The following SLC25A48 variants were observed in gnomAD, a reference collection of about 807,000 sequenced individuals.
The protein encoded by SLC25A48 is CTC-321K16.1.
A neutral mutation model predicts 32.2 loss-of-function variants in SLC25A48; 29 were observed. The observed-to-expected ratio is 0.90, with a 90% confidence interval of 0.67 to 1.23. The LOEUF (loss-of-function observed/expected upper bound fraction) is 1.23, where lower values mean the gene tolerates loss of function less well. Among genes scored for constraint, SLC25A48 ranks in the 50% most tolerant of loss-of-function variants. The probability of loss-of-function intolerance (pLI) is 0.00; values close to 1 mark genes in which losing one functional copy is unlikely to be tolerated. For synonymous variants in SLC25A48, 164 were observed against 172.3 expected, an observed-to-expected ratio of 0.95 and a Z score of 0.38; for missense variants, 399 against 422.7, an observed-to-expected ratio of 0.94 and a Z score of 0.49.
chr5:135,883,550 G>A, intron 7 of SLC25A48: 1 of 893,150 alleles, frequency 1.1e-6, no homozygotes, highest in Non-Finnish European at 1.3e-6. Context: ...GGGTGTTGCA[G>A]GCCCAGAGGG....
chr5:135,683,105 T>C (rs561983282), intron 3 of SLC25A48, among the ~76,000 whole-genome samples: 3 of 152,276 alleles, frequency 2.0e-5, no homozygotes, highest in African/African-American at 7.2e-5. Context: ...CTGCTTCCAT[T>C]TGTGGCGTCA....
At chr5:135,607,983 T>C (rs530914960) in intron 1 of SLC25A48, among the ~76,000 whole-genome samples, 1 of 152,352 alleles carries the variant, frequency 6.6e-6, no homozygotes, top group Non-Finnish European at 1.5e-5. Flanking sequence ...TATACTTGTT[T>C]TCATAGTTCT....
At position 135,691,560 on chromosome 5, in the gene SLC25A48, C is replaced by T. The variant is rs529192688; in HGVS notation, c.-521+56604C>T. Among the ~76,000 whole-genome samples, 6 of 152,284 alleles carry T rather than the reference C, an allele frequency of 3.9e-5. No homozygotes were observed. In the South Asian group the frequency reaches 1.2e-3, roughly 32 times the overall value. On this transcript the variant is annotated intron_variant, in intron 3 of 10. Transcript: ENST00000646290. ...GTCTGAGACACCATCCCCACTTGCC[C>T]AGGACTGAGGGGTATCCTGGATGAA...
At chr5:135,812,173 G>C (rs10050995) in intron 3 of SLC25A48, among the ~76,000 whole-genome samples, 53,671 of 151,918 alleles carry the variant, frequency 0.35, 9,632 homozygotes, top group East Asian at 0.44. Flanking sequence ...TATTTTTTAA[G>C]CTTCTATGGG....
chr5:135,658,550 C>T lies in SLC25A48; in HGVS notation c.-521+23594C>T, dbSNP rs148998454. Among the ~76,000 whole-genome samples the T allele has an allele frequency of 1.2e-4, 19 of 152,264 alleles. No individual in the cohort carries two copies. The East Asian group carries it at 3.5e-3, about 28-fold the overall frequency. On this transcript the variant is annotated intron_variant, in intron 3 of 10. Transcript: ENST00000646290. Reference sequence around the variant, plus strand: ...TTCTGGGGTCTGGAGGATTATGGCCCTCTTCTCACAGCTCCACTATGCAGT... The same window carrying T: ...TTCTGGGGTCTGGAGGATTATGGCCTTCTTCTCACAGCTCCACTATGCAGT...
chr5:135,715,102 C>A (rs1754761212), intron 3 of SLC25A48, among the ~76,000 whole-genome samples: 1 of 152,132 alleles, frequency 6.6e-6, no homozygotes, highest in Non-Finnish European at 1.5e-5. Flanking sequence ...CCCAAGAAGG[C>A]TATTGCAGCA....
chr5:135,869,835 C>A lies in SLC25A48; in HGVS notation c.422-1626C>A, dbSNP rs546941746. On this transcript the variant is annotated intron_variant, in intron 4 of 7. Coordinates refer to ENST00000681962, the MANE Select transcript of SLC25A48 (RefSeq NM_001349336.2). ...TACCCCGGCTCACCTCCTATGGGAT[C>A]CACTGTGGAAGAAGTTGGCTCCATC... 7.9e-5 allele frequency among the ~76,000 whole-genome samples: 12 copies of A among 152,222 alleles called. No homozygotes were observed. In the South Asian group the frequency reaches 2.5e-3, roughly 32 times the overall value.
chr5:135,696,047 AC>A (rs1182326399), intron 3 of SLC25A48, among the ~76,000 whole-genome samples: 1 of 152,120 alleles, frequency 6.6e-6, no homozygotes, highest in Non-Finnish European at 1.5e-5. Context: ...CAGTGTCATC[AC>A]CCACAAATGG....
Position 135,878,470 on chromosome 5 carries a change from C to T in SLC25A48, c.814-1498C>T, listed in dbSNP as rs192352153. On this transcript the variant is annotated intron_variant, in intron 6 of 7. Coordinates refer to ENST00000681962, the MANE Select transcript of SLC25A48 (RefSeq NM_001349336.2). ...GTTAATATTACCAGGATCTCACTTA[C>T]ACCCTGACTGAACAGCTCGAGGGCT... Among the ~76,000 whole-genome samples the T allele has an allele frequency of 3.3e-5, 5 of 152,350 alleles. No individual in the cohort carries two copies. In the South Asian group the frequency reaches 6.2e-4, roughly 19 times the overall value.
chr5:135,591,320 C>T (rs1021043311), intron 1 of SLC25A48, among the ~76,000 whole-genome samples: 4 of 152,200 alleles, frequency 2.6e-5, no homozygotes, highest in African/African-American at 4.8e-5. Context: ...AGAAGTGTGG[C>T]GCATTTGTTC....
At chr5:135,836,240 C>T (rs949177206) in intron 1 of SLC25A48, among the ~76,000 whole-genome samples, 2 of 152,144 alleles carry the variant, frequency 1.3e-5, no homozygotes, top group African/African-American at 2.4e-5. Context: ...CATGTGAACC[C>T]TCCCCGACTC....
Position 135,732,762 on chromosome 5 carries a change from G to A in SLC25A48, c.-520-79761G>A, listed in dbSNP as rs1755259086. 3.9e-5 allele frequency among the ~76,000 whole-genome samples: 6 copies of A among 152,178 alleles called. No homozygotes were observed. The South Asian group carries it at 1.2e-3, about 32-fold the overall frequency. On this transcript the variant is annotated intron_variant, in intron 3 of 10. Transcript: ENST00000646290. ...AAGAACCATTTGCCTTATGTGGGAA[G>A]AGATTGATAGGTGGAAGTTTCAGTG...
intron 3 of SLC25A48, among the ~76,000 whole-genome samples, chr5:135,774,773 T>A (rs1354958419): frequency 6.6e-6 from 1 of 151,068 alleles, no homozygotes; most frequent in Admixed American, 6.6e-5. Flanking sequence ...GATCATAATA[T>A]CCAGAGGAGA....
At chr5:135,700,392 AAG>A (rs1554067657) in intron 3 of SLC25A48, among the ~76,000 whole-genome samples, 2 of 149,536 alleles carry the variant, frequency 1.3e-5, no homozygotes, top group African/African-American at 4.9e-5. Flanking sequence ...AAAAAAAAAA[AAG>A]AAAGAAAGAA....
intron 3 of SLC25A48, among the ~76,000 whole-genome samples, chr5:135,731,116 G>A (rs1019743036): frequency 6.6e-6 from 1 of 152,160 alleles, no homozygotes. Flanking sequence ...AGGGAGATAG[G>A]GGTGGGGCCA....
intron 3 of SLC25A48, among the ~76,000 whole-genome samples, chr5:135,799,781 T>C (rs778363652): frequency 3.4e-4 from 51 of 151,808 alleles, no homozygotes; most frequent in Middle Eastern, 3.4e-3. Context: ...CCCACTTTAA[T>C]ATTGTTCCTA....
At chr5:135,811,331 A>G (rs2052121) in intron 3 of SLC25A48, among the ~76,000 whole-genome samples, 53,722 of 152,048 alleles carry the variant, frequency 0.35, 9,642 homozygotes, top group East Asian at 0.44. Flanking sequence ...AAAGACAAAT[A>G]TCTCATGATC....
intron 3 of SLC25A48, among the ~76,000 whole-genome samples, chr5:135,792,536 A>G (rs959079679): frequency 6.6e-6 from 1 of 151,616 alleles, no homozygotes; most frequent in African/African-American, 2.4e-5. Context: ...CATTATGTGT[A>G]TACACTCTCT....
At chr5:135,759,006 CTATGG>C (rs1755995839) in intron 3 of SLC25A48, among the ~76,000 whole-genome samples, 1 of 151,300 alleles carries the variant, frequency 6.6e-6, no homozygotes, top group South Asian at 2.1e-4. Context: ...AGAATATCAT[CTATGG>C]TATGAATAAT....
Sources: allele counts gnomAD v4.1 joint callset (sites outside exome capture counted in the v4.1 genomes callset), GRCh38; gene constraint gnomAD v4.1.1; transcripts MANE v1.5; gene names NCBI Gene and HGNC (gene_info 2026-07-23, HGNC 2026-07-21).